Variants in ZBTB46 observed in about 807,000 individuals in gnomAD.
ZBTB46 encodes the protein zinc finger and BTB domain containing 46.
A neutral mutation model predicts 44.1 loss-of-function variants in ZBTB46; 8 were observed. That is an observed-to-expected ratio of 0.18 (90% CI 0.11 to 0.33). The LOEUF (loss-of-function observed/expected upper bound fraction) is 0.33. ZBTB46 is among the 10% of genes least tolerant of loss of function. ZBTB46 has a pLI of 1.00. For missense variants in ZBTB46, 651 were observed against 847.7 expected, an observed-to-expected ratio of 0.77 and a Z score of 2.88; for synonymous variants, 409 against 382.3, an observed-to-expected ratio of 1.07 and a Z score of -0.81.
At chr20:63,759,901 C>G (rs554234967) in intron 3 of ZBTB46, among the ~76,000 whole-genome samples, 2 of 152,092 alleles carry the variant, frequency 1.3e-5, no homozygotes, top group African/African-American at 4.8e-5. Context: ...GGTGATATAG[C>G]GGGTTCTCTC....
chr20:63,794,125 G>C (rs964238449), intron 1 of ZBTB46, among the ~76,000 whole-genome samples: 1 of 151,352 alleles, frequency 6.6e-6, no homozygotes, highest in Non-Finnish European at 1.5e-5. Context: ...GGCGGAGCTT[G>C]CAGTGAGCTG....
chr20:63,798,426 G>C (rs2092619362), intron 1 of ZBTB46, among the ~76,000 whole-genome samples: 1 of 151,974 alleles, frequency 6.6e-6, no homozygotes. Flanking sequence ...TGTAATCTCA[G>C]CACTTTGGGA....
Position 63,789,999 on chromosome 20 carries a change from G to C in ZBTB46, c.759C>G (p.Asn253Lys). ...LPSAKDGAVQ[N>K]SFSEQSAGDA... The stretch of plus-strand genomic sequence containing the variant: ...CACCAGCACTCTGCTCTGAGAAAGA[G>C]TTCTGTACTGCACCGTCCTTGGCAG... Residue 253 changes from asparagine (N) to lysine (K), a missense_variant, in exon 2 of 5, where the codon AAC becomes AAG. Coordinates refer to ENST00000245663, the MANE Select transcript of ZBTB46 (RefSeq NM_001369741.1). The C allele has an allele frequency of 1.2e-6, 2 of 1,614,132 alleles. 1 individual carries two copies. The highest frequency in any genetic ancestry group is 4.5e-5 in the East Asian group (2 of 44,892).
At chr20:63,769,998 T>C (rs2092353330) in intron 3 of ZBTB46, among the ~76,000 whole-genome samples, 1 of 152,140 alleles carries the variant, frequency 6.6e-6, no homozygotes. Flanking sequence ...TGCAGGGAGC[T>C]GGGGTGAGCT....
chr20:63,759,719 G>A (rs73921904), intron 3 of ZBTB46, among the ~76,000 whole-genome samples: 3,970 of 152,218 alleles, frequency 0.026, 149 homozygotes, highest in African/African-American at 0.09. Context: ...TCTGTGTATC[G>A]TTCCCGTGCT....
rs924178368 is a variant in ZBTB46, at chr20:63,752,652, C to A, written c.1398+34G>T. On this transcript the variant is annotated intron_variant, in intron 4 of 4. Transcript: ENST00000245663. The surrounding 1 kb of genome is among the most constrained non-coding windows in gnomAD (Gnocchi z 5.6). Reference sequence around the variant, plus strand: ...CCTGCCCGGACATCGTGGCCACGCGCAGCGCGCGGCACGCGGACCCTCCCC... The same window carrying A: ...CCTGCCCGGACATCGTGGCCACGCGAAGCGCGCGGCACGCGGACCCTCCCC... The A allele has an allele frequency of 6.7e-7, 1 of 1,484,946 alleles. No homozygotes were observed. Among genetic ancestry groups the A allele is most frequent in the Non-Finnish European group, 9.0e-7 (1 of 1,116,548 alleles). The allele number at this position is 1,484,946 out of a possible 1,614,324, so 92.0% of individuals were successfully genotyped here.
upstream of ZBTB46, among the ~76,000 whole-genome samples, chr20:63,831,399 C>A (rs1232011132): frequency 7.0e-6 from 1 of 142,860 alleles, no homozygotes; most frequent in African/African-American, 2.5e-5. Flanking sequence ...CCGCGGCCAC[C>A]GCCCCGGGCC....
At chr20:63,759,273 G>A (rs896767443) in intron 3 of ZBTB46, among the ~76,000 whole-genome samples, 1 of 116,126 alleles carries the variant, frequency 8.6e-6, no homozygotes, top group Non-Finnish European at 1.8e-5. Context: ...TGTATATCCA[G>A]TATATTTAAT....
At chr20:63,798,000 A>G (rs1354774151) in intron 1 of ZBTB46, among the ~76,000 whole-genome samples, 1 of 152,084 alleles carries the variant, frequency 6.6e-6, no homozygotes, top group African/African-American at 2.4e-5. Context: ...AAGCTCTTTA[A>G]TTAGATCCCA....
chr20:63,791,106 G>A (rs147116490), intron 1 of ZBTB46, among the ~76,000 whole-genome samples: 17 of 152,332 alleles, frequency 1.1e-4, no homozygotes, highest in African/African-American at 3.6e-4. Flanking sequence ...ACACCCAGCC[G>A]TGGCTGAGCA....
intron 2 of ZBTB46, among the ~76,000 whole-genome samples, chr20:63,783,634 A>T (rs1225903899): frequency 1.3e-5 from 2 of 152,188 alleles, no homozygotes; most frequent in South Asian, 2.1e-4. Flanking sequence ...ACATCTAGAG[A>T]AGGCGCAGCT....
chr20:63,744,333 CAG>C lies in ZBTB46; in HGVS notation c.*2595_*2596del, dbSNP rs2092067392. ...TGGCAGTGTCCTGTGTCCCAAAGCT[CAG>C]AGAGCCCCAGTGTACAACCTGGTCA... On this transcript the variant is annotated 3_prime_UTR_variant, in exon 5 of 5. Coordinates refer to ENST00000245663, the MANE Select transcript of ZBTB46 (RefSeq NM_001369741.1). 1 of 152,188 alleles carries C rather than the reference CAG, an allele frequency of 6.6e-6. No homozygotes were observed. The highest frequency in any genetic ancestry group is 2.1e-4 in the South Asian group (1 of 4,832). 9.4% of individuals were successfully genotyped at this position (152,188 alleles called of 1,614,324 possible). A position where few individuals can be genotyped will look rare whatever the true frequency, so the allele number is the denominator to read the frequency against.
chr20:63,814,828 T>C (rs4809358), intron 1 of ZBTB46: 27,311 of 152,582 alleles, frequency 0.18, 2,964 homozygotes, highest in East Asian at 0.45. Context: ...ACCTCACAAA[T>C]CAAACTTTCC....
intron 1 of ZBTB46, among the ~76,000 whole-genome samples, chr20:63,825,746 C>CT: frequency 6.6e-6 from 1 of 152,278 alleles, no homozygotes; most frequent in East Asian, 1.9e-4. Context: ...ATCTCTGTGA[C>CT]TTTTTGTGGG....
intron 1 of ZBTB46, among the ~76,000 whole-genome samples, chr20:63,792,259 A>T (rs2145937191): frequency 6.6e-6 from 1 of 152,326 alleles, no homozygotes; most frequent in East Asian, 1.9e-4. Context: ...CTGGGAAAGA[A>T]ACAGTGGTTG....
intron 1 of ZBTB46, among the ~76,000 whole-genome samples, chr20:63,810,602 T>C (rs6011145): frequency 0.18 from 27,966 of 152,056 alleles, 3,173 homozygotes; most frequent in East Asian, 0.45. Flanking sequence ...TAAAATTAGC[T>C]GGGCGTGGTG....
At chr20:63,798,357 G>C (rs144481376) in intron 1 of ZBTB46, among the ~76,000 whole-genome samples, 2 of 151,772 alleles carry the variant, frequency 1.3e-5, no homozygotes, top group African/African-American at 4.8e-5. Flanking sequence ...TTGGAAACCC[G>C]GTCTTTACAA....
chr20:63,786,534 C>T (rs1490831138), intron 2 of ZBTB46, among the ~76,000 whole-genome samples: 2 of 152,082 alleles, frequency 1.3e-5, no homozygotes, highest in Admixed American at 6.5e-5. Flanking sequence ...TGTTTTGAGA[C>T]AGGGTCTCAA....
intron 1 of ZBTB46, among the ~76,000 whole-genome samples, chr20:63,820,124 C>T (rs1160656834): frequency 6.6e-6 from 1 of 151,512 alleles, no homozygotes; most frequent in Non-Finnish European, 1.5e-5. Flanking sequence ...GACGAAGTCT[C>T]GCTCTGTCAC....
Sources: allele counts gnomAD v4.1 joint callset (sites outside exome capture counted in the v4.1 genomes callset), GRCh38; gene constraint gnomAD v4.1.1; non-coding constraint Gnocchi (gnomAD v3.1); transcripts MANE v1.5; gene names NCBI Gene and HGNC (gene_info 2026-07-23, HGNC 2026-07-21).